Variants in TXK observed in about 807,000 individuals in gnomAD.
TXK encodes the protein TXK tyrosine kinase.
A neutral mutation model predicts 81.0 loss-of-function variants in TXK; 60 were observed. That is an observed-to-expected ratio of 0.74 (90% CI 0.60 to 0.92). TXK has a LOEUF of 0.92. TXK is among the 40% of genes least tolerant of loss of function. TXK has a pLI of 0.00. For synonymous variants in TXK, 203 were observed against 210.7 expected (o/e 0.96, Z 0.32); for missense variants, 581 against 638.3 (o/e 0.91, Z 0.97).
Position 48,110,550 on chromosome 4 carries a change from A to G in TXK, c.434T>C (p.Leu145Ser). ...GGAGAAGACTTACTCATATATTTCT[A>G]AATTAGTTATTTTGTTTTCAGTCAC... ...NYVTENKITN[L>S]EIYEWYHRNI... Residue 145 changes from leucine to serine, a missense_variant, in exon 5 of 15, where the codon TTA (leucine) becomes TCA (serine). Leu to Ser is a moderately radical substitution (Grantham distance 145). Coordinates refer to ENST00000264316, the MANE Select transcript of TXK (RefSeq NM_003328.3). The G allele has an allele frequency of 1.2e-6, 2 of 1,609,410 alleles. No individual in the cohort carries two copies. The highest frequency in any genetic ancestry group is 1.7e-6 in the Non-Finnish European group (2 of 1,176,368).
At chr4:48,071,840 A>C (rs1716871332) in intron 13 of TXK, among the ~76,000 whole-genome samples, 166 bp from the exon 14 acceptor site, 1 of 152,154 alleles carries the variant, frequency 6.6e-6, no homozygotes, top group South Asian at 2.1e-4. Context: ...TGTTCACTTT[A>C]GTTTTCAAAG....
At chr4:48,109,619 A>G (rs1357326639) in intron 5 of TXK, among the ~76,000 whole-genome samples, 2 of 152,184 alleles carry the variant, frequency 1.3e-5, no homozygotes, top group African/African-American at 4.8e-5. Flanking sequence ...CTCATAGAGT[A>G]ATGTAGATGA....
At chr4:48,111,171 T>C (rs2109469649) in intron 4 of TXK, among the ~76,000 whole-genome samples, 1 of 152,352 alleles carries the variant, frequency 6.6e-6, no homozygotes, top group East Asian at 1.9e-4. Context: ...CCTATCAGCA[T>C]GGTAGAAGTT....
chr4:48,090,497 C>T (rs1009239913), intron 8 of TXK, among the ~76,000 whole-genome samples: 2 of 152,180 alleles, frequency 1.3e-5, no homozygotes, highest in African/African-American at 2.4e-5. Flanking sequence ...GATTTCTATA[C>T]ATCAAATGTC....
At chr4:48,098,475 C>T (rs890348264) in intron 6 of TXK, among the ~76,000 whole-genome samples, 7 of 152,054 alleles carry the variant, frequency 4.6e-5, no homozygotes, top group African/African-American at 1.4e-4. Flanking sequence ...TATATAGCAG[C>T]GCTAAGGAGA....
chr4:48,069,328 T>TTC (rs1553876238), intron 14 of TXK, among the ~76,000 whole-genome samples: 5 of 73,878 alleles, frequency 6.8e-5, no homozygotes, highest in African/African-American at 5.1e-4. Context: ...TTTCTTTTCT[T>TTC]TTTTTTTTTT....
At chr4:48,077,535 A>C (rs765886939) in intron 11 of TXK, among the ~76,000 whole-genome samples, 2 of 152,094 alleles carry the variant, frequency 1.3e-5, no homozygotes, top group Non-Finnish European at 2.9e-5. Context: ...AAAAACAGGA[A>C]TAGGAGGACC....
chr4:48,102,686 A>G (rs1001676384), intron 6 of TXK, among the ~76,000 whole-genome samples: 7 of 152,224 alleles, frequency 4.6e-5, no homozygotes, highest in African/African-American at 1.7e-4. Flanking sequence ...ACTGTTTGTA[A>G]CAGTAACAAA....
chr4:48,111,453 A>G (rs2109470058), intron 4 of TXK, among the ~76,000 whole-genome samples: 1 of 152,336 alleles, frequency 6.6e-6, no homozygotes, highest in East Asian at 1.9e-4. Context: ...TGCATATTAT[A>G]TATTTTTAAA....
At chr4:48,115,239 C>A (rs1377742391) in intron 1 of TXK, among the ~76,000 whole-genome samples, 2 of 152,010 alleles carry the variant, frequency 1.3e-5, no homozygotes, top group Non-Finnish European at 2.9e-5. Context: ...TGTGATGTTC[C>A]CCTCTCTGTG....
At chr4:48,073,194 T>C (rs1021613945) in intron 13 of TXK, among the ~76,000 whole-genome samples, 3 of 151,872 alleles carry the variant, frequency 2.0e-5, no homozygotes, top group Admixed American at 2.0e-4. Flanking sequence ...CCCAAAGTGC[T>C]GGAATTGTAG....
intron 10 of TXK, among the ~76,000 whole-genome samples, chr4:48,084,490 T>A (rs576625319): frequency 9.2e-5 from 14 of 152,176 alleles, no homozygotes; most frequent in Non-Finnish European, 1.9e-4. Flanking sequence ...GTCAAACATG[T>A]TTTTAACTCT....
chr4:48,114,852 G>T (rs1224992333), intron 1 of TXK, among the ~76,000 whole-genome samples: 1 of 151,968 alleles, frequency 6.6e-6, no homozygotes, highest in Non-Finnish European at 1.5e-5. Flanking sequence ...ATTTCAGTGG[G>T]ATTTTTATTC....
At chr4:48,069,672 A>T (rs540025869) in intron 14 of TXK, among the ~76,000 whole-genome samples, 1 of 152,334 alleles carries the variant, frequency 6.6e-6, no homozygotes, top group Admixed American at 6.5e-5. Context: ...ACACCATTGT[A>T]TTAATCAATG....
intron 1 of TXK, among the ~76,000 whole-genome samples, chr4:48,127,577 C>T (rs1288162027): frequency 6.6e-6 from 1 of 152,222 alleles, no homozygotes; most frequent in African/African-American, 2.4e-5. Context: ...TATTTGCCTG[C>T]TGGAAGGAAA....
intron 6 of TXK, among the ~76,000 whole-genome samples, chr4:48,102,585 A>T (rs1402306178): frequency 1.3e-5 from 2 of 152,214 alleles, no homozygotes; most frequent in Non-Finnish European, 2.9e-5. Context: ...GAAAATATCT[A>T]ATAATGTTAA....
intron 9 of TXK, 130 bp downstream of exon 9, chr4:48,089,620 G>T: frequency 1.5e-6 from 1 of 684,786 alleles, no homozygotes; most frequent in Non-Finnish European, 2.6e-6. Context: ...TTGAACGCCT[G>T]ACCTAAGGTG....
chr4:48,113,104 A>G, intron 3 of TXK, 103 bp downstream of exon 3: 2 of 705,990 alleles, frequency 2.8e-6, no homozygotes, highest in Non-Finnish European at 4.8e-6. Flanking sequence ...ATTTTATGCC[A>G]AGCAGGATAC....
chr4:48,080,172 ATT>A, intron 10 of TXK, 44 bp from the exon 11 acceptor site: 1 of 1,473,870 alleles, frequency 6.8e-7, no homozygotes, highest in Non-Finnish European at 9.5e-7. Context: ...TTGTGTTTGC[ATT>A]TTTAAATGTT....
Sources: gnomAD v4.1 joint callset for allele counts (sites outside exome capture counted in the v4.1 genomes callset) on GRCh38, gnomAD v4.1.1 for gene constraint, MANE v1.5 for transcripts, NCBI Gene and HGNC (gene_info 2026-07-23, HGNC 2026-07-21) for gene names.